GALNT17: variants seen among roughly 807,000 people sequenced by gnomAD.
The protein encoded by GALNT17 is UDP-GalNAc:polypeptide N-acetylgalactosaminyltransferase-like 3.
GALNT17 carries 29 observed loss-of-function variants against 63.7 expected under a neutral mutation model. That is an observed-to-expected ratio of 0.46 (90% CI 0.34 to 0.62). GALNT17 has a LOEUF of 0.62. Ranked by LOEUF, GALNT17 falls within the 20% of genes least tolerant of loss-of-function variation. GALNT17 has a pLI of 0.01. For synonymous variants in GALNT17, 305 were observed against 318.3 expected, an observed-to-expected ratio of 0.96 and a Z score of 0.45; for missense variants, 603 against 799.6, an observed-to-expected ratio of 0.75 and a Z score of 2.97.
At chr7:71,659,577 G>A (rs1045031349) in intron 6 of GALNT17, among the ~76,000 whole-genome samples, 1 of 152,184 alleles carries the variant, frequency 6.6e-6, no homozygotes, top group Non-Finnish European at 1.5e-5. Flanking sequence ...GGAAGAAAGT[G>A]CAAGCCGCAA....
chr7:71,314,762 C>T (rs192664283), intron 1 of GALNT17, among the ~76,000 whole-genome samples: 251 of 152,078 alleles, frequency 1.7e-3, no homozygotes, highest in Non-Finnish European at 1.1e-3. Flanking sequence ...CAAATATTAG[C>T]GTGGTGTGGT....
intron 6 of GALNT17, among the ~76,000 whole-genome samples, chr7:71,625,111 G>C (rs1189392101): frequency 6.6e-6 from 1 of 151,828 alleles, no homozygotes; most frequent in Non-Finnish European, 1.5e-5. Context: ...CCAAGTCCAT[G>C]TCACTTCTTT....
chr7:71,448,578 C>G (rs769276398), intron 5 of GALNT17, among the ~76,000 whole-genome samples: 2 of 151,642 alleles, frequency 1.3e-5, no homozygotes, highest in Admixed American at 6.6e-5. Flanking sequence ...CTTTTTGGTT[C>G]TTTATCGATC....
rs145968875 is a variant in GALNT17 at position 71,262,124 on chromosome 7, T to G, written c.239-73426T>G. On this transcript the variant is annotated intron_variant, in intron 1 of 10. Coordinates refer to ENST00000333538, the MANE Select transcript of GALNT17 (RefSeq NM_022479.3). Reference sequence around the variant, plus strand: ...TTTAAATCTTAATTGATTTTTATTTTTTTTGTAGGCGAGATCTTGCTCTGT... The same window carrying G: ...TTTAAATCTTAATTGATTTTTATTTGTTTTGTAGGCGAGATCTTGCTCTGT... Among the ~76,000 whole-genome samples, 154 of 152,316 alleles carry G rather than the reference T, an allele frequency of 1.0e-3. 1 individual carries two copies. The highest frequency in any genetic ancestry group is 3.6e-3 in the African/African-American group (149 of 41,578).
At chr7:71,424,824 A>T (rs1341060888) in intron 5 of GALNT17, among the ~76,000 whole-genome samples, 1 of 152,202 alleles carries the variant, frequency 6.6e-6, no homozygotes, top group African/African-American at 2.4e-5. Flanking sequence ...ATTTTGCTCC[A>T]GTAAAAGATG....
chr7:71,382,474 C>T (rs1792864618), intron 2 of GALNT17, among the ~76,000 whole-genome samples: 1 of 152,174 alleles, frequency 6.6e-6, no homozygotes, highest in African/African-American at 2.4e-5. Context: ...GGCTGGAGAA[C>T]TGGGATGAAG....
At chr7:71,673,786 GTGTTTT>G (rs1181576257) in intron 8 of GALNT17, among the ~76,000 whole-genome samples, 1 of 152,042 alleles carries the variant, frequency 6.6e-6, no homozygotes, top group Non-Finnish European at 1.5e-5. Context: ...GGCTAATTTT[GTGTTTT>G]TGTTTTTGTT....
At chr7:71,147,612 T>C (rs1406827758) in intron 1 of GALNT17, among the ~76,000 whole-genome samples, 1 of 152,124 alleles carries the variant, frequency 6.6e-6, no homozygotes, top group Non-Finnish European at 1.5e-5. Context: ...TAAAATCTCA[T>C]GCATTCTCCA....
intron 5 of GALNT17, among the ~76,000 whole-genome samples, chr7:71,439,061 A>T (rs906518237): frequency 6.6e-6 from 1 of 151,674 alleles, no homozygotes; most frequent in African/African-American, 2.4e-5. Flanking sequence ...CTAATTTTTT[A>T]AAATTGTTTG....
intron 1 of GALNT17, among the ~76,000 whole-genome samples, chr7:71,295,498 C>CT (rs923336034): frequency 1.2e-4 from 18 of 151,774 alleles, no homozygotes; most frequent in African/African-American, 4.3e-4. Flanking sequence ...TTCTCTCTTT[C>CT]TTTTTTCCTT....
At chr7:71,545,735 T>C (rs1301594413) in intron 5 of GALNT17, among the ~76,000 whole-genome samples, 1 of 152,296 alleles carries the variant, frequency 6.6e-6, no homozygotes, top group East Asian at 1.9e-4. Context: ...AGTTCTAATC[T>C]TACTGTATTT....
intron 5 of GALNT17, among the ~76,000 whole-genome samples, chr7:71,543,318 G>C (rs1437008384): frequency 6.6e-6 from 1 of 152,114 alleles, no homozygotes; most frequent in Non-Finnish European, 1.5e-5. Context: ...TATGACACTA[G>C]GTTTTTGAGA....
chr7:71,489,013 C>G (rs899908032), intron 5 of GALNT17, among the ~76,000 whole-genome samples: 4 of 147,068 alleles, frequency 2.7e-5, no homozygotes, highest in Non-Finnish European at 6.0e-5. Context: ...CCTGCCTCAG[C>G]CTCCCAAGTA....
chr7:71,303,341 G>A (rs971344518), intron 1 of GALNT17, among the ~76,000 whole-genome samples: 5 of 152,026 alleles, frequency 3.3e-5, no homozygotes, highest in African/African-American at 1.2e-4. Context: ...TTTTTGTAGA[G>A]ATGGGATCTC....
intron 1 of GALNT17, among the ~76,000 whole-genome samples, chr7:71,236,105 C>T (rs1185851425): frequency 6.6e-6 from 1 of 151,890 alleles, no homozygotes; most frequent in Non-Finnish European, 1.5e-5. Context: ...TGCTTGAACC[C>T]AGGAGGTGGA....
At chr7:71,650,695 C>T (rs751514107) in intron 6 of GALNT17, among the ~76,000 whole-genome samples, 1 of 152,116 alleles carries the variant, frequency 6.6e-6, no homozygotes, top group Non-Finnish European at 1.5e-5. Context: ...TGTGCCCTAC[C>T]AACTCCTTTA....
intron 3 of GALNT17, among the ~76,000 whole-genome samples, chr7:71,394,891 C>A (rs1429595775): frequency 6.6e-6 from 1 of 152,126 alleles, no homozygotes; most frequent in Non-Finnish European, 1.5e-5. Context: ...CACTTGAGGT[C>A]AGGAGTTCGA....
intron 1 of GALNT17, among the ~76,000 whole-genome samples, chr7:71,239,398 G>A (rs1199669440): frequency 6.6e-6 from 1 of 152,168 alleles, no homozygotes; most frequent in Non-Finnish European, 1.5e-5. Flanking sequence ...CTTGAGCCCA[G>A]GAATTCAAGG....
chr7:71,297,626 T>G (rs1791106356), intron 1 of GALNT17, among the ~76,000 whole-genome samples: 1 of 152,038 alleles, frequency 6.6e-6, no homozygotes, highest in Non-Finnish European at 1.5e-5. Context: ...AATAGGACAC[T>G]TGGATTAGAA....
Sources: allele counts gnomAD v4.1 joint callset (sites outside exome capture counted in the v4.1 genomes callset), GRCh38; gene constraint gnomAD v4.1.1; transcripts MANE v1.5; gene names NCBI Gene and HGNC (gene_info 2026-07-23, HGNC 2026-07-21).